DOCK2: variants seen among roughly 807,000 people sequenced by gnomAD.
DOCK2 encodes the protein dedicator of cytokinesis 2.
A neutral mutation model predicts 248.9 loss-of-function variants in DOCK2; 87 were observed. The observed-to-expected ratio is 0.35, with a 90% CI of 0.29 to 0.42. The LOEUF is 0.42. Among genes scored for constraint, DOCK2 ranks in the 10% least tolerant of loss-of-function variants. The pLI is 1.00. For synonymous variants in DOCK2, 805 were observed against 821.6 expected, an observed-to-expected ratio of 0.98 and a Z score of 0.35; for missense variants, 1,747 against 2,300.2, an observed-to-expected ratio of 0.76 and a Z score of 4.92.
At position 169,853,804 on chromosome 5, in the gene DOCK2, C is replaced by CTTTTTTTTTTTTTTTT. The variant is rs67124138; in HGVS notation, c.2799+12982_2799+12997dup. 1.8e-4 allele frequency among the ~76,000 whole-genome samples: 10 copies of CTTTTTTTTTTTTTTTT among 56,858 alleles called. 1 individual carries two copies. The highest frequency in any genetic ancestry group is 3.3e-4 in the Admixed American group (1 of 3,072). The allele number at this position is 56,858 out of a possible 152,430, so 37.3% of individuals were successfully genotyped here. A position where few individuals can be genotyped will look rare whatever the true frequency, so the allele number is the denominator to read the frequency against. ...TTCCTTCTATAATCAGGAAAAACAA[C>CTTTTTTTTTTTTTTTT]TTTTTTTTTTTTTTTTTTTTTTTTT... On this transcript the variant is annotated intron_variant, in intron 27 of 51. Transcript: ENST00000520908.
chr5:169,729,678 CAT>C (rs774655187), intron 22 of DOCK2, among the ~76,000 whole-genome samples: 27 of 152,226 alleles, frequency 1.8e-4, no homozygotes, highest in Non-Finnish European at 1.9e-4. Context: ...GATGGAAAAA[CAT>C]AGAGAAATGA....
At chr5:169,769,326 G>A (rs1054368450) in intron 25 of DOCK2, among the ~76,000 whole-genome samples, 5 of 152,136 alleles carry the variant, frequency 3.3e-5, no homozygotes, top group African/African-American at 1.2e-4. Context: ...AGCCCCAGAG[G>A]GGATGTTGGT....
intron 22 of DOCK2, 77 bp downstream of exon 22, chr5:169,718,868 G>A: frequency 2.0e-6 from 3 of 1,490,962 alleles, no homozygotes; most frequent in Non-Finnish European, 2.7e-6. Context: ...TACTGTAGGA[G>A]AAACTCGTTT....
At chr5:169,941,694 G>A (rs962002645) in intron 27 of DOCK2, among the ~76,000 whole-genome samples, 2 of 152,186 alleles carry the variant, frequency 1.3e-5, no homozygotes, top group African/African-American at 4.8e-5. Flanking sequence ...TATTGGAACT[G>A]GAAAAGATCA....
intron 27 of DOCK2, among the ~76,000 whole-genome samples, chr5:169,848,952 G>T (rs1770472970): frequency 6.6e-6 from 1 of 152,048 alleles, no homozygotes; most frequent in African/African-American, 2.4e-5. Context: ...CACCAAATTG[G>T]AAATGACCCA....
chr5:169,835,267 T>G (rs914184384), intron 26 of DOCK2, among the ~76,000 whole-genome samples: 6 of 149,554 alleles, frequency 4.0e-5, no homozygotes, highest in African/African-American at 5.0e-5. Flanking sequence ...CTGGTTTTTT[T>G]TTTTTTTTTT....
At chr5:169,700,305 C>G (rs1443093645) in intron 13 of DOCK2, among the ~76,000 whole-genome samples, 166 bp downstream of exon 13, 1 of 152,234 alleles carries the variant, frequency 6.6e-6, no homozygotes, top group Admixed American at 6.5e-5. Flanking sequence ...CCAAAAACTT[C>G]TATGCATTAA....
intron 27 of DOCK2, chr5:169,883,812 G>T: frequency 1.3e-6 from 2 of 1,550,782 alleles, no homozygotes; most frequent in South Asian, 2.4e-5. Context: ...TGCTCCTGCG[G>T]TGGTGAGGTT....
intron 35 of DOCK2, 108 bp downstream of exon 35, chr5:170,034,663 T>C: frequency 1.4e-6 from 2 of 1,438,622 alleles, no homozygotes; most frequent in Non-Finnish European, 1.8e-6. Flanking sequence ...CTTAAGGGCT[T>C]TGGAAAGCAG....
intron 2 of DOCK2, among the ~76,000 whole-genome samples, chr5:169,656,838 G>C (rs1758149736): frequency 1.3e-5 from 2 of 152,156 alleles, no homozygotes; most frequent in Admixed American, 1.3e-4. Context: ...TCCCTGGCCT[G>C]GTGCCCTGAC....
intron 26 of DOCK2, among the ~76,000 whole-genome samples, chr5:169,813,925 G>A (rs1469036408): frequency 6.6e-6 from 1 of 152,178 alleles, no homozygotes; most frequent in African/African-American, 2.4e-5. Context: ...ACTGTGACAG[G>A]GAGATTGTCG....
Position 169,775,735 on chromosome 5 carries a change from A to G in DOCK2, c.2554+14110A>G, listed in dbSNP as rs964230438. Among the ~76,000 whole-genome samples the G allele has an allele frequency of 6.6e-5, 10 of 152,058 alleles. No homozygotes were observed. In the East Asian group the frequency reaches 1.5e-3, roughly 23 times the overall value. On this transcript the variant is annotated intron_variant, in intron 25 of 51. Coordinates refer to ENST00000520908, the MANE Select transcript of DOCK2 (RefSeq NM_004946.3). ...ACAGGGCTGTTGGAACATTGGGGAC[A>G]GTTTTATGGAGAAGGCAGGATGTCA... is the stretch of plus-strand genomic sequence containing the variant.
In DOCK2 at chr5:170,078,955, C is replaced by T; in HGVS notation, c.4995-20C>T. 2 of 1,612,536 alleles carry T rather than the reference C, an allele frequency of 1.2e-6. No homozygotes were observed. Among genetic ancestry groups the T allele is most frequent in the South Asian group, 2.2e-5 (2 of 91,010 alleles). ...GAAGCTCTAACTGCAGTTTCTATTG[C>T]TGCCCCTCTGGCCTTTCAGCTTTGA... On this transcript the variant is annotated intron_variant, in intron 48 of 51. Coordinates refer to ENST00000520908, the MANE Select transcript of DOCK2 (RefSeq NM_004946.3).
chr5:170,069,937 CTCTG>C (rs1165715357), intron 46 of DOCK2, among the ~76,000 whole-genome samples: 1 of 152,152 alleles, frequency 6.6e-6, no homozygotes, highest in Non-Finnish European at 1.5e-5. Flanking sequence ...TTCCTTGCCT[CTCTG>C]TCTTTTGCCC....
intron 30 of DOCK2, among the ~76,000 whole-genome samples, chr5:170,002,525 A>C (rs1047694039): frequency 6.6e-6 from 1 of 152,238 alleles, no homozygotes; most frequent in African/African-American, 2.4e-5. Context: ...CTTGGATCCA[A>C]GGTAGGATGG....
chr5:169,866,714 A>T (rs1009925182), intron 27 of DOCK2, among the ~76,000 whole-genome samples: 3 of 152,222 alleles, frequency 2.0e-5, no homozygotes, highest in Non-Finnish European at 4.4e-5. Context: ...GGGCAGAGGC[A>T]TGTGCAGACT....
chr5:169,680,455 G>A (rs926274026), intron 6 of DOCK2, among the ~76,000 whole-genome samples: 1 of 152,162 alleles, frequency 6.6e-6, no homozygotes, highest in African/African-American at 2.4e-5. Flanking sequence ...AGCAAGCTGT[G>A]GGTAACAGTC....
chr5:170,052,354 G>A (rs1191591542), intron 41 of DOCK2, among the ~76,000 whole-genome samples: 1 of 152,156 alleles, frequency 6.6e-6, no homozygotes, highest in Non-Finnish European at 1.5e-5. Context: ...TTTCTAAGTG[G>A]ATCTCCTGGG....
intron 27 of DOCK2, among the ~76,000 whole-genome samples, chr5:169,942,058 A>G (rs953072307): frequency 6.6e-6 from 1 of 152,244 alleles, no homozygotes; most frequent in Admixed American, 6.5e-5. Flanking sequence ...AAACAGTTCG[A>G]CATGAGAAGG....
Sources: gnomAD v4.1 joint callset for allele counts (sites outside exome capture counted in the v4.1 genomes callset) on GRCh38, gnomAD v4.1.1 for gene constraint, MANE v1.5 for transcripts, NCBI Gene and HGNC (gene_info 2026-07-23, HGNC 2026-07-21) for gene names.